EGFR: variants seen among roughly 807,000 people sequenced by gnomAD.
The protein encoded by EGFR is epidermal growth factor receptor.
In EGFR, 58 loss-of-function variants were observed where a neutral mutation model predicts 143.0. That is an observed-to-expected ratio of 0.41 (90% confidence interval 0.33 to 0.50). EGFR has a LOEUF of 0.50. Among genes scored for constraint, EGFR ranks in the 20% least tolerant of loss-of-function variants. The pLI is 0.39. For synonymous variants in EGFR, 613 were observed against 594.4 expected (o/e 1.03, Z -0.45); for missense variants, 1,307 against 1,579.0 (o/e 0.83, Z 2.92).
chr7:55,162,679 C>T (rs1157806540), intron 13 of EGFR, among the ~76,000 whole-genome samples: 1 of 152,192 alleles, frequency 6.6e-6, no homozygotes, highest in Admixed American at 6.5e-5. Flanking sequence ...CTCTGCAAGC[C>T]CAGCCCCCTT....
chr7:55,086,691 G>C (rs1790780919), intron 1 of EGFR, among the ~76,000 whole-genome samples: 1 of 152,240 alleles, frequency 6.6e-6, no homozygotes, highest in African/African-American at 2.4e-5. Flanking sequence ...CGCTCCCGCT[G>C]TGGAGGCGGC....
At chr7:55,197,694 T>A (rs906393167) in intron 22 of EGFR, among the ~76,000 whole-genome samples, 4 of 152,224 alleles carry the variant, frequency 2.6e-5, no homozygotes, top group African/African-American at 9.6e-5. Context: ...ATACCTAGTT[T>A]ATTGAGAATT....
intron 1 of EGFR, among the ~76,000 whole-genome samples, chr7:55,044,395 T>G (rs998168721): frequency 6.6e-6 from 1 of 152,192 alleles, no homozygotes; most frequent in Non-Finnish European, 1.5e-5. Context: ...ATAATGTTGT[T>G]TGTGCCAAGG....
chr7:55,020,015 G>A (rs1485798671), intron 1 of EGFR, among the ~76,000 whole-genome samples: 1 of 152,230 alleles, frequency 6.6e-6, no homozygotes, highest in Non-Finnish European at 1.5e-5. Context: ...TCGTTCCCCA[G>A]TGTGGAGTCG....
intron 20 of EGFR, among the ~76,000 whole-genome samples, chr7:55,189,635 G>A (rs1787299962): frequency 6.6e-6 from 1 of 152,202 alleles, no homozygotes; most frequent in African/African-American, 2.4e-5. Flanking sequence ...AAAGGGAGAG[G>A]TTCCTGGTCC....
chr7:55,075,800 T>C (rs1790103788), intron 1 of EGFR, among the ~76,000 whole-genome samples: 1 of 151,988 alleles, frequency 6.6e-6, no homozygotes, highest in African/African-American at 2.4e-5. Context: ...GATTTGTAAA[T>C]AAGATTGCAC....
intron 3 of EGFR, among the ~76,000 whole-genome samples, chr7:55,146,156 C>T (rs1200667023): frequency 6.6e-6 from 1 of 152,000 alleles, no homozygotes; most frequent in Non-Finnish European, 1.5e-5. Context: ...AAAAGCTCCG[C>T]CTGGGCATGC....
chr7:55,046,861 A>G (rs189613176), intron 1 of EGFR, among the ~76,000 whole-genome samples: 12 of 152,308 alleles, frequency 7.9e-5, no homozygotes, highest in African/African-American at 2.9e-4. Flanking sequence ...AGACCACAGC[A>G]GGGGAAAGCA....
In EGFR at chr7:55,168,547, A is replaced by T. The variant is rs561485334; in HGVS notation, c.1881-2628A>T. 9.3e-6 allele frequency: 15 copies of T among 1,608,790 alleles called. No individual in the cohort carries two copies. In the Admixed American group the frequency reaches 1.3e-4, roughly 14 times the overall value. ...GGTCCTAATAAATCTTCACTGTCTG[A>T]CTTTAGTCTCCCACTAAAACTGCAT... On this transcript the variant is annotated intron_variant, in intron 15 of 27. Coordinates refer to ENST00000275493, the MANE Select transcript of EGFR (RefSeq NM_005228.5).
intron 1 of EGFR, among the ~76,000 whole-genome samples, chr7:55,130,189 C>T (rs1197966263): frequency 6.6e-6 from 1 of 152,140 alleles, no homozygotes; most frequent in African/African-American, 2.4e-5. Flanking sequence ...CAGTAAAGAG[C>T]CAGCTCAGGA....
At chr7:55,197,660 A>G (rs930967950) in intron 22 of EGFR, among the ~76,000 whole-genome samples, 11 of 152,168 alleles carry the variant, frequency 7.2e-5, no homozygotes, top group African/African-American at 2.7e-4. Context: ...ATAGATGGCT[A>G]ATATGTTGAG....
chr7:55,090,830 C>T (rs114196706), intron 1 of EGFR, among the ~76,000 whole-genome samples: 1 of 152,326 alleles, frequency 6.6e-6, no homozygotes, highest in African/African-American at 2.4e-5. Context: ...GTGAAATACT[C>T]CTACTTGTGG....
chr7:55,131,313 A>G (rs1793819626), intron 1 of EGFR, among the ~76,000 whole-genome samples: 1 of 150,166 alleles, frequency 6.7e-6, no homozygotes, highest in South Asian at 2.1e-4. Flanking sequence ...CTCTTCAAAC[A>G]CTTTATGACA....
chr7:55,135,786 G>A (rs1206568022), intron 1 of EGFR, among the ~76,000 whole-genome samples: 1 of 152,106 alleles, frequency 6.6e-6, no homozygotes, highest in Non-Finnish European at 1.5e-5. Flanking sequence ...ATTTTTTTAT[G>A]TGGTAAATTG....
chr7:55,107,183 G>A (rs1017898453), intron 1 of EGFR, among the ~76,000 whole-genome samples: 2 of 152,166 alleles, frequency 1.3e-5, no homozygotes, highest in African/African-American at 4.8e-5. Flanking sequence ...ACTAGTTAAT[G>A]TGGTAACAAT....
At chr7:55,045,242 A>G (rs1451814148) in intron 1 of EGFR, among the ~76,000 whole-genome samples, 1 of 152,222 alleles carries the variant, frequency 6.6e-6, no homozygotes, top group African/African-American at 2.4e-5. Context: ...TATTAATCAT[A>G]TATTATGAGT....
intron 1 of EGFR, among the ~76,000 whole-genome samples, chr7:55,048,124 G>T (rs986729912): frequency 6.6e-6 from 1 of 152,110 alleles, no homozygotes; most frequent in African/African-American, 2.4e-5. Flanking sequence ...AGGAGGATGT[G>T]CTTGTTTTTT....
intron 19 of EGFR, among the ~76,000 whole-genome samples, chr7:55,179,385 C>T (rs564063387): frequency 6.6e-5 from 10 of 152,336 alleles, no homozygotes; most frequent in African/African-American, 2.4e-4. Flanking sequence ...AGGCTGCTTT[C>T]TGAAGGAAAA....
At chr7:55,168,672 T>C in intron 15 of EGFR, 1 of 1,286,028 alleles carries the variant, frequency 7.8e-7, no homozygotes, top group Non-Finnish European at 1.1e-6. Context: ...TTAGTATGTG[T>C]GATTACATTC....
Sources: gnomAD v4.1 joint callset for allele counts (sites outside exome capture counted in the v4.1 genomes callset) on GRCh38, gnomAD v4.1.1 for gene constraint, MANE v1.5 for transcripts, NCBI Gene and HGNC (gene_info 2026-07-23, HGNC 2026-07-21) for gene names.